Variants in NAALADL2 observed in about 807,000 individuals in gnomAD.
The protein encoded by NAALADL2 is N-acetylated alpha-linked acidic dipeptidase like 2, also known as inactive N-acetylated-alpha-linked acidic dipeptidase-like protein 2.
NAALADL2 carries 76 observed loss-of-function variants against 87.2 expected under a neutral mutation model. That is an observed-to-expected ratio of 0.87 (90% CI 0.72 to 1.05). The LOEUF (loss-of-function observed/expected upper bound fraction) is 1.05, where lower values mean the gene tolerates loss of function less well. Ranked by LOEUF, NAALADL2 falls within the 50% of genes least tolerant of loss-of-function variation. The probability of loss-of-function intolerance (pLI) is 0.00; values close to 1 mark genes in which losing one functional copy is unlikely to be tolerated. For synonymous variants in NAALADL2, 354 were observed against 331.0 expected (o/e 1.07, Z -0.75); for missense variants, 1,089 against 945.8 (o/e 1.15, Z -1.99).
intron 1 of NAALADL2, among the ~76,000 whole-genome samples, chr3:175,045,933 G>A (rs1754612485): frequency 1.3e-5 from 2 of 151,808 alleles, no homozygotes. Context: ...AAATTAATAA[G>A]TGCCTTGCTT....
rs190318213 is a variant in NAALADL2, at chr3:175,616,379, G to A, written c.1801-10912G>A. Reference sequence around the variant, plus strand: ...TCACTATTAAATCAGTAGTACTCACGTTTAAAAAATCTACATATATTTACA... The same window carrying A: ...TCACTATTAAATCAGTAGTACTCACATTTAAAAAATCTACATATATTTACA... On this transcript the variant is annotated intron_variant, in intron 10 of 13. Transcript: ENST00000454872. 4.8e-4 allele frequency among the ~76,000 whole-genome samples: 72 copies of A among 151,290 alleles called. 1 individual carries two copies. In the East Asian group the frequency reaches 0.012, roughly 25 times the overall value.
intron 5 of NAALADL2, among the ~76,000 whole-genome samples, chr3:175,330,442 TAA>T (rs10711292): frequency 2.1e-3 from 306 of 147,658 alleles, no homozygotes; most frequent in Non-Finnish European, 3.0e-3. Context: ...GACTCTGTCT[TAA>T]AAAAAAAAAA....
chr3:175,535,360 AT>A (rs1734670074), intron 9 of NAALADL2, among the ~76,000 whole-genome samples: 1 of 152,146 alleles, frequency 6.6e-6, no homozygotes, highest in South Asian at 2.1e-4. Flanking sequence ...AGTTCTTTGT[AT>A]TGCTTCATGT....
chr3:175,427,112 G>A (rs1356004332), intron 5 of NAALADL2, among the ~76,000 whole-genome samples: 5 of 152,142 alleles, frequency 3.3e-5, no homozygotes, highest in Non-Finnish European at 5.9e-5. Flanking sequence ...AAGTGTGACC[G>A]GTTAGGTTAT....
At chr3:175,046,552 C>T (rs1482071734) in intron 1 of NAALADL2, among the ~76,000 whole-genome samples, 1 of 152,128 alleles carries the variant, frequency 6.6e-6, no homozygotes, top group Non-Finnish European at 1.5e-5. Flanking sequence ...TGGATTCCTT[C>T]TCAGAAAAGA....
At chr3:175,132,130 G>C (rs532182142) in intron 2 of NAALADL2, among the ~76,000 whole-genome samples, 2 of 125,734 alleles carry the variant, frequency 1.6e-5, no homozygotes, top group South Asian at 5.2e-4. Flanking sequence ...CTGGCCGGGC[G>C]GGGGGCTGAC....
intron 2 of NAALADL2, among the ~76,000 whole-genome samples, chr3:174,625,594 C>T (rs1227222162): frequency 4.6e-5 from 7 of 151,006 alleles, no homozygotes; most frequent in Non-Finnish European, 1.0e-4. Flanking sequence ...ATTTTAAAAT[C>T]CTAAATAATC....
intron 1 of NAALADL2, among the ~76,000 whole-genome samples, chr3:174,930,993 C>T (rs1200497250): frequency 1.3e-5 from 2 of 151,994 alleles, no homozygotes; most frequent in South Asian, 2.1e-4. Flanking sequence ...CACTTTTTAC[C>T]TAATAAAATA....
At chr3:174,678,143 G>T (rs1228549844) in intron 2 of NAALADL2, among the ~76,000 whole-genome samples, 2 of 152,120 alleles carry the variant, frequency 1.3e-5, no homozygotes, top group East Asian at 1.9e-4. Context: ...AGGATCAATT[G>T]TATGTCTCTT....
chr3:175,066,042 G>A (rs2109111318), intron 1 of NAALADL2, among the ~76,000 whole-genome samples: 3 of 152,200 alleles, frequency 2.0e-5, no homozygotes, highest in Middle Eastern at 3.4e-3. Context: ...CAACCAGTTA[G>A]CCCCTTCAGT....
chr3:175,629,146 A>C (rs532903187), intron 11 of NAALADL2, among the ~76,000 whole-genome samples: 2 of 148,530 alleles, frequency 1.3e-5, no homozygotes, highest in Admixed American at 1.4e-4. Flanking sequence ...ATATATGGAC[A>C]TATATATCAT....
chr3:174,914,817 A>G (rs888939509), intron 1 of NAALADL2, among the ~76,000 whole-genome samples: 2 of 152,194 alleles, frequency 1.3e-5, no homozygotes, highest in Non-Finnish European at 2.9e-5. Flanking sequence ...TGATGACCAG[A>G]GTCTTTGTAG....
intron 2 of NAALADL2, among the ~76,000 whole-genome samples, chr3:174,578,762 G>A (rs1715829142): frequency 6.6e-6 from 1 of 151,590 alleles, no homozygotes; most frequent in Admixed American, 6.6e-5. Context: ...AAACATAGGA[G>A]GATTCTATTC....
intron 11 of NAALADL2, among the ~76,000 whole-genome samples, chr3:175,726,800 C>T (rs1463885519): frequency 2.0e-5 from 3 of 151,908 alleles, no homozygotes; most frequent in Admixed American, 6.6e-5. Context: ...GAGTTTAGGC[C>T]GAGAAACTAG....
chr3:175,207,641 C>A (rs1741138208), intron 2 of NAALADL2, among the ~76,000 whole-genome samples: 1 of 152,160 alleles, frequency 6.6e-6, no homozygotes, highest in Non-Finnish European at 1.5e-5. Flanking sequence ...CTTATCCACA[C>A]ATTTCCTCTC....
intron 13 of NAALADL2, among the ~76,000 whole-genome samples, chr3:175,787,581 G>A (rs1003708736): frequency 1.3e-5 from 2 of 152,270 alleles, no homozygotes; most frequent in African/African-American, 4.8e-5. Context: ...CGCGCACGGT[G>A]CGCGCACCCA....
intron 3 of NAALADL2, among the ~76,000 whole-genome samples, chr3:174,764,000 T>C (rs1371065701): frequency 6.6e-6 from 1 of 152,184 alleles, no homozygotes; most frequent in Non-Finnish European, 1.5e-5. Context: ...CATAGAGTTT[T>C]TAAAGAAAAG....
intron 6 of NAALADL2, among the ~76,000 whole-genome samples, chr3:175,455,967 G>A (rs1722262374): frequency 6.6e-6 from 1 of 152,000 alleles, no homozygotes; most frequent in African/African-American, 2.4e-5. Flanking sequence ...AGAGACTCTA[G>A]AAGAACTATG....
At chr3:175,152,143 C>T (rs889833204) in intron 2 of NAALADL2, among the ~76,000 whole-genome samples, 9 of 151,898 alleles carry the variant, frequency 5.9e-5, no homozygotes, top group African/African-American at 9.7e-5. Flanking sequence ...AGGATGTTAT[C>T]GACAGTAATA....
Sources: allele counts gnomAD v4.1 joint callset (sites outside exome capture counted in the v4.1 genomes callset), GRCh38; gene constraint gnomAD v4.1.1; transcripts MANE v1.5; gene names NCBI Gene and HGNC (gene_info 2026-07-23, HGNC 2026-07-21).